The following CIP2A variants were observed in gnomAD, a reference collection of about 807,000 sequenced individuals.
CIP2A encodes the protein protein CIP2A.
A neutral mutation model predicts 110.9 loss-of-function variants in CIP2A; 103 were observed. The ratio of observed to expected loss-of-function variants is 0.93; its 90% CI spans 0.79 to 1.09. CIP2A has a LOEUF of 1.09. Ranked by LOEUF, CIP2A falls within the 50% of genes least tolerant of loss-of-function variation. The probability of loss-of-function intolerance (pLI) is 0.00; values close to 1 mark genes in which losing one functional copy is unlikely to be tolerated. For synonymous variants in CIP2A, 381 were observed against 361.6 expected (o/e 1.05, Z -0.61); for missense variants, 1,088 against 1,038.4 (o/e 1.05, Z -0.66).
chr3:108,577,584 G>A (rs1938706320), intron 7 of CIP2A, among the ~76,000 whole-genome samples: 1 of 152,094 alleles, frequency 6.6e-6, no homozygotes, highest in African/African-American at 2.4e-5. Context: ...CTGCATAAAA[G>A]GTAGCAAGAG....
At position 108,568,195 on chromosome 3, in the gene CIP2A, T is replaced by C. The variant is rs769850407; in HGVS notation, c.1233A>G (p.Lys411=). ...EQNLDEALTR[K]KCERIAKAIE... Reference sequence around the variant, plus strand: ...TGGCCTTGGCAATCCTTTCACATTTTTTTCTTGTTAAAGCCTCATCTAGAT... The same window carrying C: ...TGGCCTTGGCAATCCTTTCACATTTCTTTCTTGTTAAAGCCTCATCTAGAT... Residue 411 remains lysine (K), a synonymous_variant, in exon 10 of 21, where the codon AAA becomes AAG. Transcript: ENST00000295746. 6.2e-7 allele frequency: 1 copy of C among 1,612,188 alleles called. No individual in the cohort carries two copies. The highest frequency in any genetic ancestry group is 1.3e-5 in the African/African-American group (1 of 74,828).
In CIP2A at chr3:108,563,113, G is replaced by A; in HGVS notation, c.1634+13C>T. 1 of 1,519,824 alleles carries A rather than the reference G, an allele frequency of 6.6e-7. No homozygotes were observed. Among genetic ancestry groups the A allele is most frequent in the Non-Finnish European group, 9.1e-7 (1 of 1,094,410 alleles). 94.1% of individuals were successfully genotyped at this position (1,519,824 alleles called of 1,614,324 possible). A position where few individuals can be genotyped will look rare whatever the true frequency, so the allele number is the denominator to read the frequency against. ...ACACCACAAGAGATACACTGCAAAT[G>A]ATTACAACTCACACTAAAGCAGGAA... is the stretch of plus-strand genomic sequence containing the variant. On this transcript the variant is annotated intron_variant, in intron 13 of 20. Transcript: ENST00000295746.
intron 8 of CIP2A, among the ~76,000 whole-genome samples, 161 bp from the exon 9 acceptor site, chr3:108,569,768 G>A (rs1041553673): frequency 1.3e-5 from 2 of 151,810 alleles, no homozygotes; most frequent in African/African-American, 4.8e-5. Context: ...GTGTGAATAG[G>A]TTCTAGAAGA....
rs116489661 is a variant in CIP2A, at chr3:108,586,009, G to C, written c.103-797C>G. On this transcript the variant is annotated intron_variant, in intron 1 of 20. Transcript: ENST00000295746. The stretch of plus-strand genomic sequence containing the variant: ...AGCATGAATTTTCAACATACTTTAT[G>C]GATGTATTTATTACAAAGCATATCT... Among the ~76,000 whole-genome samples, 1,197 of 152,160 alleles carry C rather than the reference G, an allele frequency of 7.9e-3. 24 individuals are homozygous for C. The highest frequency in any genetic ancestry group is 0.028 in the African/African-American group (1,152 of 41,516).
At chr3:108,575,582 A>G (rs1417975634) in intron 8 of CIP2A, among the ~76,000 whole-genome samples, 9 of 148,148 alleles carry the variant, frequency 6.1e-5, no homozygotes, top group African/African-American at 1.7e-4. Context: ...ACTCATATAC[A>G]TGTGTATATA....
chr3:108,579,096 T>C (rs1242571259), intron 7 of CIP2A, among the ~76,000 whole-genome samples, 185 bp downstream of exon 7: 1 of 152,148 alleles, frequency 6.6e-6, no homozygotes, highest in Non-Finnish European at 1.5e-5. Context: ...CAATGACCTG[T>C]TATACTTTCC....
intron 1 of CIP2A, among the ~76,000 whole-genome samples, chr3:108,588,953 G>C (rs1277715482): frequency 1.3e-5 from 2 of 152,134 alleles, no homozygotes; most frequent in Admixed American, 6.5e-5. Context: ...TTGAGGGCTT[G>C]GTTTCGTAGA....
chr3:108,576,675 T>G lies in CIP2A; in HGVS notation c.819-329A>C, dbSNP rs529579541. On this transcript the variant is annotated intron_variant, in intron 7 of 20. Transcript: ENST00000295746. Reference sequence around the variant, plus strand: ...CTATTTTTTTAAGATTGTGTTCACTTTGTAAAAATTCAAAGGACAGAAGAA... The same window carrying G: ...CTATTTTTTTAAGATTGTGTTCACTGTGTAAAAATTCAAAGGACAGAAGAA... 1.1e-4 allele frequency among the ~76,000 whole-genome samples: 16 copies of G among 152,322 alleles called. 1 individual carries two copies. Among genetic ancestry groups the G allele is most frequent in the Admixed American group, 6.5e-4 (10 of 15,294 alleles).
chr3:108,568,784 T>G (rs1324320736), intron 9 of CIP2A, among the ~76,000 whole-genome samples: 3 of 152,168 alleles, frequency 2.0e-5, no homozygotes, highest in African/African-American at 7.2e-5. Context: ...TAATTCTTAA[T>G]GAACATATTT....
In CIP2A at chr3:108,589,267, C is replaced by T. The variant is rs1156697524; in HGVS notation, c.102+7G>A. 6.2e-7 allele frequency: 1 copy of T among 1,609,794 alleles called. No homozygotes were observed. Among genetic ancestry groups the T allele is most frequent in the South Asian group, 1.1e-5 (1 of 90,944 alleles). On this transcript the variant is annotated splice_region_variant and intron_variant, in intron 1 of 20. Transcript: ENST00000295746. ...CCCCATCTGTCCTCTACCCCAGAGC[C>T]TCTCACCTCCAAGTGCCGCAAAAGC...
At chr3:108,584,904 T>C (rs1938995165) in intron 2 of CIP2A, 161 bp downstream of exon 2, 3 of 508,438 alleles carry the variant, frequency 5.9e-6, no homozygotes, top group Non-Finnish European at 1.0e-5. Context: ...CTTTGATCGG[T>C]AGCTATGACT....
intron 18 of CIP2A, among the ~76,000 whole-genome samples, chr3:108,553,977 C>T (rs552783117): frequency 6.6e-6 from 1 of 150,790 alleles, no homozygotes; most frequent in East Asian, 2.0e-4. Flanking sequence ...CTCACTGCAA[C>T]CTCTGCCTCC....
In CIP2A at chr3:108,576,342, C is replaced by G. The variant is rs199821162; in HGVS notation, c.823G>C (p.Glu275Gln). 1.2e-4 allele frequency: 184 copies of G among 1,519,884 alleles called. No homozygotes were observed. The Middle Eastern group carries it at 2.4e-3, about 20-fold the overall frequency. The allele number at this position is 1,519,884 out of a possible 1,614,324, so 94.1% of individuals were successfully genotyped here. A position where few individuals can be genotyped will look rare whatever the true frequency, so the allele number is the denominator to read the frequency against. Residue 275 changes from glutamate (E) to glutamine (Q), a missense_variant, in exon 8 of 21, where the codon GAG becomes CAG. Glu to Gln is a conservative substitution (Grantham distance 29). Transcript: ENST00000295746. ...PKIADYLTRY[E>Q]HFSSCLHQVL... ...TGGTGAAGACATGAAGAAAAGTGCT[C>G]ATATCTAGGTTTAGAATAAAAATAT...
intron 5 of CIP2A, among the ~76,000 whole-genome samples, chr3:108,580,722 G>A (rs868460752): frequency 6.6e-6 from 1 of 151,866 alleles, no homozygotes; most frequent in Non-Finnish European, 1.5e-5. Flanking sequence ...TCCACCTCCC[G>A]GGTTCAAGCA....
At chr3:108,575,181 A>G (rs930245912) in intron 8 of CIP2A, 6 of 152,170 alleles carry the variant, frequency 3.9e-5, no homozygotes, top group Non-Finnish European at 8.8e-5. Context: ...ATCTCATCAC[A>G]TTATGTTGAA....
At chr3:108,580,692 G>A (rs1365459114) in intron 5 of CIP2A, among the ~76,000 whole-genome samples, 1 of 151,650 alleles carries the variant, frequency 6.6e-6, no homozygotes, top group African/African-American at 2.4e-5. Context: ...GCAGTGGCGC[G>A]ATCTCAGCTC....
rs772930591 is a variant in CIP2A at position 108,554,393 on chromosome 3, G to C, written c.2307C>G (p.Leu769=). 1.3e-6 allele frequency: 2 copies of C among 1,494,702 alleles called. No homozygotes were observed. Among genetic ancestry groups the C allele is most frequent in the South Asian group, 2.3e-5 (2 of 85,368 alleles). 92.6% of individuals were successfully genotyped at this position (1,494,702 alleles called of 1,614,324 possible). A position where few individuals can be genotyped will look rare whatever the true frequency, so the allele number is the denominator to read the frequency against. The change falls in exon 18 of 21, where the codon CTC becomes CTG. Residue 769 remains leucine (L), a synonymous_variant. Transcript: ENST00000295746. ...GATTTTACTTTTCATTTTGTTCCTT[G>C]AGTGACTCATTCAACTTTTTCACTG... is the stretch of plus-strand genomic sequence containing the variant. ...IETVKKLNES[L]KEQNEKSIAQ...
chr3:108,554,406 A>C lies in CIP2A; in HGVS notation c.2294T>G (p.Leu765Trp), dbSNP rs571879562. ...ATTTTGTTCCTTGAGTGACTCATTC[A>C]ACTTTTTCACTGTCTCAATTTGTTT... ...LNKQIETVKK[L>W]NESLKEQNEK... Residue 765 changes from leucine to tryptophan, a missense_variant, in exon 18 of 21, where the codon TTG becomes TGG. Leu to Trp is a moderately conservative substitution (Grantham distance 61, BLOSUM62 -2). Transcript: ENST00000295746. The C allele has an allele frequency of 6.5e-7, 1 of 1,547,808 alleles. No homozygotes were observed. The highest frequency in any genetic ancestry group is 1.4e-5 in the African/African-American group (1 of 73,712).
chr3:108,585,843 C>T (rs919447358), intron 1 of CIP2A: 5 of 449,502 alleles, frequency 1.1e-5, no homozygotes, highest in Non-Finnish European at 2.2e-5. Context: ...CTGATTATTC[C>T]ATTGTTTTTT....
Sources: gnomAD v4.1 joint callset for allele counts (sites outside exome capture counted in the v4.1 genomes callset) on GRCh38, gnomAD v4.1.1 for gene constraint, MANE v1.5 for transcripts, NCBI Gene and HGNC (gene_info 2026-07-23, HGNC 2026-07-21) for gene names.